Variants in TRABD2A observed in about 807,000 individuals in gnomAD.
The protein encoded by TRABD2A is metalloprotease TIKI1.
A neutral mutation model predicts 45.6 loss-of-function variants in TRABD2A; 43 were observed. The ratio of observed to expected loss-of-function variants is 0.94; its 90% CI spans 0.74 to 1.22. The LOEUF is 1.22. TRABD2A is among the 50% of genes most tolerant of loss of function. The probability of loss-of-function intolerance (pLI) is 0.00; values close to 1 mark genes in which losing one functional copy is unlikely to be tolerated. For missense variants in TRABD2A, 642 were observed against 652.4 expected (o/e 0.98, Z 0.17); for synonymous variants, 269 against 265.0 (o/e 1.02, Z -0.15).
chr2:84,858,326 C>T (rs542999093), intron 2 of TRABD2A, among the ~76,000 whole-genome samples: 1 of 152,276 alleles, frequency 6.6e-6, no homozygotes, highest in African/African-American at 2.4e-5. Context: ...CAGCCTGCCA[C>T]CCTGTGGCCA....
At chr2:84,828,845 A>G (rs893504751) in intron 5 of TRABD2A, among the ~76,000 whole-genome samples, 10 of 152,240 alleles carry the variant, frequency 6.6e-5, no homozygotes, top group African/African-American at 2.2e-4. Flanking sequence ...CCTTGGGGTC[A>G]TGCACAGGAT....
Position 84,832,148 on chromosome 2 carries a change from G to A in TRABD2A, c.992-3C>T, listed in dbSNP as rs1427493970. Reference sequence around the variant, plus strand: ...TGTGTTGTTGCCCATGAAATGACCTGCAGTGAGAAAAACAACCTGAAATGC... The same window carrying A: ...TGTGTTGTTGCCCATGAAATGACCTACAGTGAGAAAAACAACCTGAAATGC... On this transcript the variant is annotated splice_region_variant and splice_polypyrimidine_tract_variant and intron_variant, in intron 4 of 6. Coordinates refer to ENST00000409520, the MANE Select transcript of TRABD2A (RefSeq NM_001277053.2). 10 of 1,613,826 alleles carry A rather than the reference G, an allele frequency of 6.2e-6. No individual in the cohort carries two copies. Among genetic ancestry groups the A allele is most frequent in the Non-Finnish European group, 7.6e-6 (9 of 1,179,892 alleles).
intron 3 of TRABD2A, among the ~76,000 whole-genome samples, chr2:84,840,657 C>T (rs1282396038): frequency 1.3e-5 from 2 of 152,220 alleles, no homozygotes; most frequent in African/African-American, 4.8e-5. Flanking sequence ...TAACTTTTTT[C>T]TGCTGCTTCA....
rs970260252 is a variant in TRABD2A, at chr2:84,830,369, T to C, written c.1082+1686A>G. Among the ~76,000 whole-genome samples the C allele has an allele frequency of 1.3e-4, 20 of 152,234 alleles. No homozygotes were observed. The highest frequency in any genetic ancestry group is 4.6e-4 in the African/African-American group (19 of 41,538). ...GGCGGGGACGGGATGGAGGCTCTTCTGAAGCAAGCAGCAGATCCATGCTGG... is the reference window on the plus strand; with the variant it reads ...GGCGGGGACGGGATGGAGGCTCTTCCGAAGCAAGCAGCAGATCCATGCTGG... On this transcript the variant is annotated intron_variant, in intron 5 of 6. Coordinates refer to ENST00000409520, the MANE Select transcript of TRABD2A (RefSeq NM_001277053.2). This position sits in a 1 kb window ranked among gnomAD's most constrained non-coding sequence, Gnocchi z 4.9.
At chr2:84,841,169 G>A (rs957369046) in intron 3 of TRABD2A, among the ~76,000 whole-genome samples, 1 of 152,220 alleles carries the variant, frequency 6.6e-6, no homozygotes, top group African/African-American at 2.4e-5. Context: ...CTAGAGAGGA[G>A]GCGAAGGCAC....
intron 2 of TRABD2A, among the ~76,000 whole-genome samples, chr2:84,842,664 G>A: frequency 6.6e-6 from 1 of 151,674 alleles, no homozygotes; most frequent in Admixed American, 6.6e-5. Flanking sequence ...AGGAGACAGA[G>A]GTTGCAGTAA....
intron 2 of TRABD2A, among the ~76,000 whole-genome samples, chr2:84,868,262 A>C (rs1306549633): frequency 1.3e-5 from 2 of 152,192 alleles, no homozygotes; most frequent in African/African-American, 4.8e-5. Flanking sequence ...AGCCATAAAA[A>C]AGGATGAGTT....
intron 1 of TRABD2A, among the ~76,000 whole-genome samples, chr2:84,878,843 A>T (rs1249398454): frequency 6.6e-6 from 1 of 152,202 alleles, no homozygotes; most frequent in Non-Finnish European, 1.5e-5. Flanking sequence ...TGTGGGTCAG[A>T]CATACAGCAT....
Position 84,839,132 on chromosome 2 carries a change from G to T in TRABD2A, c.991+17C>A. On this transcript the variant is annotated intron_variant, in intron 4 of 6. Coordinates refer to ENST00000409520, the MANE Select transcript of TRABD2A (RefSeq NM_001277053.2). ...CCTCAGATTTCAGAGGCTAATCAGA[G>T]GTGACCCACTACTCACCAGCTCCAA... is the stretch of plus-strand genomic sequence containing the variant. 1.2e-6 allele frequency: 2 copies of T among 1,613,572 alleles called. No individual in the cohort carries two copies. Among genetic ancestry groups the T allele is most frequent in the Non-Finnish European group, 1.7e-6 (2 of 1,179,722 alleles).
At chr2:84,855,717 G>T (rs1682275564) in intron 2 of TRABD2A, among the ~76,000 whole-genome samples, 1 of 151,818 alleles carries the variant, frequency 6.6e-6, no homozygotes, top group African/African-American at 2.4e-5. Context: ...GCTGTGGAAA[G>T]AATCGATTAA....
chr2:84,851,994 C>G (rs1235064437), intron 2 of TRABD2A, among the ~76,000 whole-genome samples: 1 of 152,182 alleles, frequency 6.6e-6, no homozygotes. Context: ...TTCTCCTCCC[C>G]TTGGCACAGG....
At chr2:84,879,618 G>T (rs561450220) in intron 1 of TRABD2A, 1 of 985,310 alleles carries the variant, frequency 1.0e-6, no homozygotes, top group African/African-American at 1.7e-5. Context: ...GTCGGTAATA[G>T]GTTTTGCAGA....
intron 2 of TRABD2A, among the ~76,000 whole-genome samples, chr2:84,857,947 C>T (rs1682370838): frequency 6.6e-6 from 1 of 152,242 alleles, no homozygotes; most frequent in South Asian, 2.1e-4. Flanking sequence ...ACAATCATAG[C>T]TCATTGTAGC....
intron 2 of TRABD2A, among the ~76,000 whole-genome samples, chr2:84,867,143 G>A (rs1472747622): frequency 2.0e-5 from 3 of 148,632 alleles, no homozygotes; most frequent in Non-Finnish European, 4.4e-5. Context: ...GAAACATGGG[G>A]AAGTTACATG....
intron 2 of TRABD2A, among the ~76,000 whole-genome samples, chr2:84,869,242 T>C (rs1000100003): frequency 1.3e-5 from 2 of 152,204 alleles, no homozygotes; most frequent in African/African-American, 4.8e-5. Flanking sequence ...GAACAAAACC[T>C]CAACGTGACC....
At chr2:84,874,268 C>A (rs1435615065) in intron 1 of TRABD2A, among the ~76,000 whole-genome samples, 1 of 152,176 alleles carries the variant, frequency 6.6e-6, no homozygotes, top group Non-Finnish European at 1.5e-5. Flanking sequence ...AATTTAAAAA[C>A]ACACACACAC....
intron 4 of TRABD2A, chr2:84,836,692 T>C (rs573803682): frequency 1.8e-4 from 28 of 152,302 alleles, no homozygotes; most frequent in Admixed American, 9.8e-4. Context: ...CACTTGAGGG[T>C]GTCTCACAGG....
At chr2:84,876,010 A>G (rs996259392) in intron 1 of TRABD2A, among the ~76,000 whole-genome samples, 8 of 152,028 alleles carry the variant, frequency 5.3e-5, no homozygotes, top group South Asian at 2.1e-4. Flanking sequence ...AAAAAAAAAA[A>G]AAAGGAAAGA....
chr2:84,833,019 C>A (rs975309045), intron 4 of TRABD2A: 2 of 152,184 alleles, frequency 1.3e-5, no homozygotes, highest in African/African-American at 4.8e-5. Context: ...ACCAGGGAAC[C>A]CTGGGAGCCT....
Sources: gnomAD v4.1 joint callset for allele counts (sites outside exome capture counted in the v4.1 genomes callset) on GRCh38, gnomAD v4.1.1 for gene constraint, Gnocchi (gnomAD v3.1) non-coding constraint, MANE v1.5 for transcripts, NCBI Gene and HGNC (gene_info 2026-07-23, HGNC 2026-07-21) for gene names.